The following ICE1 variants were observed in gnomAD, a reference collection of about 807,000 sequenced individuals.
The protein encoded by ICE1 is little elongation complex subunit 1.
ICE1 carries 64 observed loss-of-function variants against 192.7 expected under a neutral mutation model. That is an observed-to-expected ratio of 0.33 (90% CI 0.27 to 0.41). The LOEUF is 0.41. Among genes scored for constraint, ICE1 ranks in the 10% least tolerant of loss-of-function variants. The probability of loss-of-function intolerance (pLI) is 1.00; values close to 1 mark genes in which losing one functional copy is unlikely to be tolerated. For missense variants in ICE1, 2,708 were observed against 2,696.0 expected, an observed-to-expected ratio of 1.00 and a Z score of -0.10; for synonymous variants, 1,010 against 984.5, an observed-to-expected ratio of 1.03 and a Z score of -0.49.
At chr5:5,441,929 G>A (rs984480455) in intron 5 of ICE1, among the ~76,000 whole-genome samples, 11 of 152,212 alleles carry the variant, frequency 7.2e-5, no homozygotes, top group African/African-American at 2.4e-4. Flanking sequence ...ATAAGTAAGC[G>A]TTCAGGTTAG....
intron 1 of ICE1, among the ~76,000 whole-genome samples, chr5:5,428,371 A>G (rs1383139670): frequency 2.0e-5 from 3 of 152,218 alleles, no homozygotes; most frequent in African/African-American, 7.2e-5. Context: ...CAAGCACACC[A>G]GGAATAAGTG....
At chr5:5,483,731 A>G (rs752878853) in intron 17 of ICE1, among the ~76,000 whole-genome samples, 29 of 152,264 alleles carry the variant, frequency 1.9e-4, no homozygotes, top group South Asian at 1.2e-3. Flanking sequence ...TAAAATCCTG[A>G]ATAATTTGCC....
At position 5,462,908 on chromosome 5, in the gene ICE1, T is replaced by A. The variant is rs935957330; in HGVS notation, c.3574T>A (p.Ser1192Thr). 1 of 1,608,958 alleles carries A rather than the reference T, an allele frequency of 6.2e-7. No individual in the cohort carries two copies. Among genetic ancestry groups the A allele is most frequent in the Non-Finnish European group, 8.5e-7 (1 of 1,177,242 alleles). Residue 1192 changes from serine (S) to threonine (T), a missense_variant, in exon 13 of 19, where the codon TCT (serine) becomes ACT (threonine). Around this residue, in one of 2 missense-constraint regions of ICE1, gnomAD observed 2,366 missense variants for 2,276.6 expected, o/e 1.04. Transcript: ENST00000296564. ...CQLGDYSSGD[S>T]VSECSSKGTL... ...GTTAGGGGATTATAGTTCAGGGGACTCTGTTTCTGAATGTTCTAGTAAAGG... is the reference window on the plus strand; with the variant it reads ...GTTAGGGGATTATAGTTCAGGGGACACTGTTTCTGAATGTTCTAGTAAAGG...
chr5:5,468,488 ATTC>A (rs1739057528), intron 14 of ICE1, among the ~76,000 whole-genome samples: 1 of 152,276 alleles, frequency 6.6e-6, no homozygotes, highest in Non-Finnish European at 1.5e-5. Flanking sequence ...ATTTTAAAAA[ATTC>A]TTCAAATCAG....
At position 5,462,990 on chromosome 5, in the gene ICE1, A is replaced by G. The variant is rs368420962; in HGVS notation, c.3656A>G (p.Tyr1219Cys). 5.0e-6 allele frequency: 8 copies of G among 1,613,452 alleles called. No individual in the cohort carries two copies. Among genetic ancestry groups the G allele is most frequent in the African/African-American group, 4.0e-5 (3 of 74,874 alleles). Residue 1219 changes from tyrosine to cysteine, a missense_variant, in exon 13 of 19, where the codon TAC (tyrosine) becomes TGC (cysteine). Tyr to Cys is a radical substitution (Grantham distance 194, BLOSUM62 -2). Around this residue, in one of 2 missense-constraint regions of ICE1, gnomAD observed 2,366 missense variants for 2,276.6 expected, o/e 1.04. Transcript: ENST00000296564. ...ELKASEIGEK[Y>C]RKQPCEEETL... Reference sequence around the variant, plus strand: ...AAGGCAAGTGAAATAGGAGAAAAATACAGAAAGCAACCCTGTGAGGAAGAA... The same window carrying G: ...AAGGCAAGTGAAATAGGAGAAAAATGCAGAAAGCAACCCTGTGAGGAAGAA...
intron 1 of ICE1, among the ~76,000 whole-genome samples, chr5:5,424,393 C>G (rs557867801): frequency 1.4e-4 from 21 of 151,650 alleles, no homozygotes; most frequent in African/African-American, 5.1e-4. Context: ...CCCGCCACCA[C>G]CACCCCAGGA....
Position 5,469,120 on chromosome 5 carries a change from C to A in ICE1, c.6222+132C>A, listed in dbSNP as rs552273013. On this transcript the variant is annotated intron_variant, in intron 15 of 18. Transcript: ENST00000296564. ...CTTTCTAGATCTTTTAAAATTTAAT[C>A]AGTTTAGCCTAAGCTTATCCATTTT... 1.3e-3 allele frequency: 817 copies of A among 607,858 alleles called. 2 individuals carry two copies. Among genetic ancestry groups the A allele is most frequent in the Admixed American group, 1.6e-3 (40 of 25,210 alleles). The allele number at this position is 607,858 out of a possible 1,614,324, so 37.7% of individuals were successfully genotyped here.
intron 14 of ICE1, among the ~76,000 whole-genome samples, chr5:5,467,472 C>G (rs1026668026): frequency 6.6e-6 from 1 of 152,228 alleles, no homozygotes; most frequent in Non-Finnish European, 1.5e-5. Context: ...CTTTCTTGCT[C>G]TGTTTCCCTC....
intron 3 of ICE1, among the ~76,000 whole-genome samples, chr5:5,439,504 T>G (rs1444435251): frequency 2.6e-5 from 4 of 152,192 alleles, no homozygotes; most frequent in Non-Finnish European, 5.9e-5. Flanking sequence ...AGTACATAAC[T>G]TTTGTTTGCT....
chr5:5,480,767 G>T (rs1030699683), intron 17 of ICE1, among the ~76,000 whole-genome samples: 1 of 152,132 alleles, frequency 6.6e-6, no homozygotes, highest in East Asian at 1.9e-4. Flanking sequence ...CAAAAACCTG[G>T]TTACAAAGTA....
At chr5:5,423,069 G>A (rs1737365119) in intron 1 of ICE1, 70 bp downstream of exon 1, 5 of 1,083,132 alleles carry the variant, frequency 4.6e-6, no homozygotes, top group Middle Eastern at 3.4e-4. Flanking sequence ...GCAGGGATGT[G>A]GGGTCCGGCC....
At chr5:5,469,819 AATCT>A (rs1403208205) in intron 15 of ICE1, among the ~76,000 whole-genome samples, 1 of 152,138 alleles carries the variant, frequency 6.6e-6, no homozygotes, top group African/African-American at 2.4e-5. Context: ...TCTCTTCATC[AATCT>A]ATCTAGACAC....
chr5:5,424,539 T>C (rs1737466035), intron 1 of ICE1, among the ~76,000 whole-genome samples: 1 of 152,184 alleles, frequency 6.6e-6, no homozygotes, highest in South Asian at 2.1e-4. Flanking sequence ...AAGACAAAAA[T>C]TCTTGATCTC....
At position 5,466,489 on chromosome 5, in the gene ICE1, C is replaced by T; in HGVS notation, c.6048C>T (p.Ser2016=). ...AAAGAGCTCGTTTGTTTTGCTACAG[C>T]CTACTTAAAGAAGGTATGCTTAGAT... ...DLERARLFCY[S]LLKEDFPESE... is the part of the protein sequence containing the mutation. Residue 2016 remains serine, a synonymous_variant, in exon 14 of 19, where the codon AGC becomes AGT. Transcript: ENST00000296564. 1 of 1,605,948 alleles carries T rather than the reference C, an allele frequency of 6.2e-7. No individual in the cohort carries two copies. The highest frequency in any genetic ancestry group is 8.5e-7 in the Non-Finnish European group (1 of 1,177,576).
chr5:5,462,414 C>A lies in ICE1; in HGVS notation c.3080C>A (p.Ser1027Tyr). The A allele has an allele frequency of 6.2e-7, 1 of 1,614,016 alleles. No individual in the cohort carries two copies. The highest frequency in any genetic ancestry group is 8.5e-7 in the Non-Finnish European group (1 of 1,179,890). ...ACCAGCTGTGGAGACACAGGGAGAT[C>A]TGGTGGTGAGGCCCTGGCTGTTGCA... ...EETSCGDTGR[S>Y]GGEALAVAND... Residue 1027 changes from serine to tyrosine, a missense_variant, in exon 13 of 19, where the codon TCT (serine) becomes TAT (tyrosine). Physicochemically the swap from Ser to Tyr is moderately radical, Grantham distance 144 (BLOSUM62 -2). Around this residue, in one of 2 missense-constraint regions of ICE1, gnomAD observed 2,366 missense variants for 2,276.6 expected, o/e 1.04. Coordinates refer to ENST00000296564, the MANE Select transcript of ICE1 (RefSeq NM_015325.3).
chr5:5,423,423 T>C (rs1284381009), intron 1 of ICE1, among the ~76,000 whole-genome samples: 1 of 127,446 alleles, frequency 7.8e-6, no homozygotes, highest in African/African-American at 3.1e-5. Context: ...GGAGGCAGAA[T>C]CTTACGTGAC....
chr5:5,460,857 T>G lies in ICE1; in HGVS notation c.1523T>G (p.Leu508Arg). 6.2e-7 allele frequency: 1 copy of G among 1,614,048 alleles called. No homozygotes were observed. The highest frequency in any genetic ancestry group is 2.2e-5 in the East Asian group (1 of 44,888). The change falls in exon 13 of 19, where the codon CTA becomes CGA. Residue 508 changes from leucine (L) to arginine (R), a missense_variant. By Grantham distance (102) the Leu-to-Arg change is moderately radical. Around this residue, in one of 2 missense-constraint regions of ICE1, gnomAD observed 2,366 missense variants for 2,276.6 expected, o/e 1.04. Coordinates refer to ENST00000296564, the MANE Select transcript of ICE1 (RefSeq NM_015325.3). The stretch of plus-strand genomic sequence containing the variant: ...ACCATTCATAAACTCACTCGAGGTC[T>G]ATGCATTGAGAGATTGTCTGCCAGC... ...EKTIHKLTRG[L>R]CIERLSASPA...
chr5:5,463,613 A>G lies in ICE1; in HGVS notation c.4279A>G (p.Ile1427Val). The change falls in exon 13 of 19, where the codon ATC (isoleucine) becomes GTC (valine). Residue 1427 changes from isoleucine to valine, a missense_variant. Transcript: ENST00000296564. ...VIEKGDNWTI[I>V]SGVAVLPHVD... ...TGAAAAGGGGGACAACTGGACAATC[A>G]TCAGTGGTGTAGCTGTCTTGCCACA... is the stretch of plus-strand genomic sequence containing the variant. 1 of 1,614,036 alleles carries G rather than the reference A, an allele frequency of 6.2e-7. No homozygotes were observed. Among genetic ancestry groups the G allele is most frequent in the Non-Finnish European group, 8.5e-7 (1 of 1,179,902 alleles).
intron 15 of ICE1, among the ~76,000 whole-genome samples, chr5:5,470,189 G>C (rs769571518): frequency 6.6e-6 from 1 of 152,100 alleles, no homozygotes; most frequent in African/African-American, 2.4e-5. Flanking sequence ...AGGATTACTT[G>C]CCTCCAGAGA....
Sources: allele counts gnomAD v4.1 joint callset (sites outside exome capture counted in the v4.1 genomes callset), GRCh38; gene constraint gnomAD v4.1.1; regional missense constraint gnomAD v4.1.1; transcripts MANE v1.5; gene names NCBI Gene and HGNC (gene_info 2026-07-23, HGNC 2026-07-21).